RBFOX1: variants seen among roughly 807,000 people sequenced by gnomAD.
The protein encoded by RBFOX1 is RNA binding protein fox-1 homolog 1.
In RBFOX1, 8 loss-of-function variants were observed where a neutral mutation model predicts 57.7. The ratio of observed to expected loss-of-function variants is 0.14; its 90% confidence interval spans 0.08 to 0.25. The LOEUF is 0.25. Among genes scored for constraint, RBFOX1 ranks in the 10% least tolerant of loss-of-function variants. The pLI is 1.00. For missense variants in RBFOX1, 611 were observed against 548.5 expected, an observed-to-expected ratio of 1.11 and a Z score of -1.14; for synonymous variants, 326 against 222.4, an observed-to-expected ratio of 1.47 and a Z score of -4.15.
rs13380581 is a variant in RBFOX1 at position 5,858,602 on chromosome 16, A to G, written c.319-8701A>G. Among the ~76,000 whole-genome samples, 324 of 152,350 alleles carry G rather than the reference A, an allele frequency of 2.1e-3. 2 individuals are homozygous for G. The highest frequency in any genetic ancestry group is 7.5e-3 in the African/African-American group (310 of 41,580). The stretch of plus-strand genomic sequence containing the variant: ...CCATAAGTAAAACTATTCTTAGGTT[A>G]CAAGCTGCCAGAATTTTCAAGCAAG... On this transcript the variant is annotated intron_variant, in intron 3 of 19. Coordinates refer to the RBFOX1 transcript ENST00000641259.
chr16:7,039,422 A>G (rs573212553), intron 3 of RBFOX1, among the ~76,000 whole-genome samples: 20 of 152,222 alleles, frequency 1.3e-4, no homozygotes, highest in South Asian at 1.0e-3. Flanking sequence ...TCTCCAAGCT[A>G]TTTTCTCAAG....
chr16:5,897,560 G>T (rs757947041), intron 4 of RBFOX1, among the ~76,000 whole-genome samples: 8 of 152,126 alleles, frequency 5.3e-5, no homozygotes, highest in Non-Finnish European at 8.8e-5. Flanking sequence ...CCCGGGGTTT[G>T]CTCCACTTAA....
intron 1 of RBFOX1, among the ~76,000 whole-genome samples, chr16:6,215,321 CAG>C (rs1263429747): frequency 9.8e-5 from 9 of 92,164 alleles, no homozygotes; most frequent in African/African-American, 2.2e-4. Context: ...TAGAGAGAGA[CAG>C]AGAGGGGAGG....
chr16:6,373,186 G>C (rs542630090), intron 2 of RBFOX1, among the ~76,000 whole-genome samples: 1 of 152,010 alleles, frequency 6.6e-6, no homozygotes, highest in East Asian at 1.9e-4. Context: ...GGGTGGAGTG[G>C]AGATTCAGCG....
intron 4 of RBFOX1, among the ~76,000 whole-genome samples, chr16:7,511,156 T>A (rs1219168921): frequency 1.3e-5 from 2 of 152,246 alleles, no homozygotes; most frequent in Non-Finnish European, 1.5e-5. Context: ...AGTCAGGTAG[T>A]TACATGGAAA....
At chr16:5,722,737 A>G (rs963638900) in intron 3 of RBFOX1, among the ~76,000 whole-genome samples, 3 of 152,176 alleles carry the variant, frequency 2.0e-5, no homozygotes, top group South Asian at 2.1e-4. Context: ...ATACCATTCT[A>G]TGCTTGTAAT....
At chr16:6,422,480 C>T (rs180949590) in intron 2 of RBFOX1, among the ~76,000 whole-genome samples, 12 of 152,128 alleles carry the variant, frequency 7.9e-5, no homozygotes, top group African/African-American at 1.9e-4. Context: ...AGTCCATTCT[C>T]ACACTGCTAT....
At chr16:5,587,700 G>A (rs1256621531) in intron 2 of RBFOX1, among the ~76,000 whole-genome samples, 4 of 152,118 alleles carry the variant, frequency 2.6e-5, no homozygotes, top group Non-Finnish European at 4.4e-5. Context: ...GCGACAGAGC[G>A]AGACTCTGTC....
intron 3 of RBFOX1, among the ~76,000 whole-genome samples, chr16:6,999,216 A>ATTTTTTTTT (rs374767232): frequency 2.8e-5 from 3 of 109,034 alleles, no homozygotes; most frequent in African/African-American, 6.8e-5. Context: ...ATTTTTATTT[A>ATTTTTTTTT]TTTTTTTTAT....
At chr16:7,358,979 T>C (rs1423798067) in intron 4 of RBFOX1, among the ~76,000 whole-genome samples, 1 of 152,228 alleles carries the variant, frequency 6.6e-6, no homozygotes. Context: ...ATTAGATTAA[T>C]GATGTTTTTG....
At chr16:7,311,769 G>A (rs1344408419) in intron 4 of RBFOX1, among the ~76,000 whole-genome samples, 1 of 152,176 alleles carries the variant, frequency 6.6e-6, no homozygotes, top group East Asian at 1.9e-4. Context: ...TCTATTTAGA[G>A]CCAGTTGGTA....
intron 4 of RBFOX1, among the ~76,000 whole-genome samples, chr16:7,275,066 A>G (rs1363873185): frequency 6.6e-6 from 1 of 152,180 alleles, no homozygotes; most frequent in Non-Finnish European, 1.5e-5. Context: ...ATAGGAAGGC[A>G]GTGCTGAGCG....
At chr16:7,278,729 A>T (rs985490408) in intron 4 of RBFOX1, among the ~76,000 whole-genome samples, 1 of 152,200 alleles carries the variant, frequency 6.6e-6, no homozygotes, top group East Asian at 1.9e-4. Flanking sequence ...CCAACTCATG[A>T]TGTATTCAGT....
At chr16:6,955,723 G>A (rs62017759) in intron 3 of RBFOX1, among the ~76,000 whole-genome samples, 24,388 of 137,988 alleles carry the variant, frequency 0.18, 2,169 homozygotes, top group Middle Eastern at 0.2. Context: ...TTATTTTTGA[G>A]AGGGAGTTTC....
rs745357801 is a variant in RBFOX1, at chr16:6,800,166, C to T, written c.-16+145516C>T. 2.0e-5 allele frequency among the ~76,000 whole-genome samples: 3 copies of T among 150,182 alleles called. No homozygotes were observed. In the South Asian group the frequency reaches 6.2e-4, roughly 31 times the overall value. On this transcript the variant is annotated intron_variant, in intron 3 of 15. Transcript: ENST00000550418. Reference sequence around the variant, plus strand: ...TTTGGGCCAATTTCTTTGCGACATCCAGTTTTGATCAACAGGGTATTGAAA... The same window carrying T: ...TTTGGGCCAATTTCTTTGCGACATCTAGTTTTGATCAACAGGGTATTGAAA...
intron 4 of RBFOX1, among the ~76,000 whole-genome samples, chr16:7,330,732 G>A (rs751731649): frequency 6.6e-6 from 1 of 151,814 alleles, no homozygotes; most frequent in African/African-American, 2.4e-5. Flanking sequence ...TAAGTCTCCT[G>A]CCTTCTGGTC....
chr16:6,056,388 T>C (rs1442217120), intron 1 of RBFOX1, among the ~76,000 whole-genome samples: 1 of 152,214 alleles, frequency 6.6e-6, no homozygotes, highest in East Asian at 1.9e-4. Flanking sequence ...TTCCTTTCTC[T>C]TTTCCTCGAT....
At chr16:6,422,936 A>G (rs1238085527) in intron 2 of RBFOX1, among the ~76,000 whole-genome samples, 2 of 152,190 alleles carry the variant, frequency 1.3e-5, no homozygotes, top group Non-Finnish European at 2.9e-5. Context: ...TCCTAGGTTA[A>G]TTCACTTAGA....
At chr16:5,778,124 A>G (rs942840943) in intron 3 of RBFOX1, among the ~76,000 whole-genome samples, 1 of 152,064 alleles carries the variant, frequency 6.6e-6, no homozygotes, top group Admixed American at 6.6e-5. Flanking sequence ...CTTCCCTTCC[A>G]TGTGAGATAA....
Sources: gnomAD v4.1 joint callset for allele counts (sites outside exome capture counted in the v4.1 genomes callset) on GRCh38, gnomAD v4.1.1 for gene constraint, MANE v1.5 for transcripts, NCBI Gene and HGNC (gene_info 2026-07-23, HGNC 2026-07-21) for gene names.